UNC5A: variants seen among roughly 807,000 people sequenced by gnomAD.
UNC5A encodes the protein netrin receptor UNC5A.
In UNC5A, 20 loss-of-function variants were observed where a neutral mutation model predicts 87.4. The observed-to-expected ratio is 0.23, with a 90% CI of 0.16 to 0.33. UNC5A has a LOEUF of 0.33. UNC5A is among the 10% of genes least tolerant of loss of function. UNC5A has a pLI of 1.00. For missense variants in UNC5A, 844 were observed against 1,133.4 expected (o/e 0.74, Z 3.67); for synonymous variants, 438 against 482.3 (o/e 0.91, Z 1.20).
chr5:176,830,649 T>G (rs1308434083), intron 1 of UNC5A, among the ~76,000 whole-genome samples: 1 of 136,912 alleles, frequency 7.3e-6, no homozygotes, highest in African/African-American at 2.9e-5. Context: ...GGCGTGTGCA[T>G]TTGTGTGTGT....
Position 176,878,062 on chromosome 5 carries a change from G to T in UNC5A, c.1804G>T (p.Ala602Ser). 6.2e-7 allele frequency: 1 copy of T among 1,609,744 alleles called. No individual in the cohort carries two copies. Among genetic ancestry groups the T allele is most frequent in the Non-Finnish European group, 8.5e-7 (1 of 1,179,946 alleles). The change falls in exon 11 of 15, where the codon GCC becomes TCC. Residue 602 changes from alanine (A) to serine (S), a missense_variant. Physicochemically the swap from Ala to Ser is moderately conservative, Grantham distance 99. Transcript: ENST00000329542. ...CAAGCTGCTTCTGTTTGCGCCGGTG[G>T]CCTGCACCTCCCTCGAGTACAACAT... is the stretch of plus-strand genomic sequence containing the variant. ...RLKLLLFAPV[A>S]CTSLEYNIRV...
At chr5:176,876,310 G>A (rs567423948) in intron 8 of UNC5A, among the ~76,000 whole-genome samples, 13 of 152,348 alleles carry the variant, frequency 8.5e-5, no homozygotes, top group East Asian at 5.8e-4. Flanking sequence ...CCGGTGAAAC[G>A]GTGATACCAG....
chr5:176,818,168 G>A (rs1756641115), intron 1 of UNC5A, among the ~76,000 whole-genome samples: 1 of 152,222 alleles, frequency 6.6e-6, no homozygotes, highest in East Asian at 1.9e-4. Flanking sequence ...CTTCTCAGGC[G>A]ATCTTGTGCC....
intron 1 of UNC5A, among the ~76,000 whole-genome samples, chr5:176,821,383 C>A (rs1756724591): frequency 6.6e-6 from 1 of 152,210 alleles, no homozygotes; most frequent in Non-Finnish European, 1.5e-5. Flanking sequence ...TAGGATCACA[C>A]AACCAGAGGT....
In UNC5A at chr5:176,812,599, G is replaced by C. The variant is rs373976544; in HGVS notation, c.70+1779G>C. Among the ~76,000 whole-genome samples the C allele has an allele frequency of 2.6e-5, 4 of 152,308 alleles. No homozygotes were observed. In the South Asian group the frequency reaches 6.2e-4, roughly 24 times the overall value. On this transcript the variant is annotated intron_variant, in intron 1 of 14. Coordinates refer to ENST00000329542, the MANE Select transcript of UNC5A (RefSeq NM_133369.3). Reference sequence around the variant, plus strand: ...GAAGCAGGGTGCTGCGGCCTGGAGCGGGGGGTTGCCACAGGGACTCCTCAG... The same window carrying C: ...GAAGCAGGGTGCTGCGGCCTGGAGCCGGGGGTTGCCACAGGGACTCCTCAG...
At chr5:176,822,254 C>T (rs934071593) in intron 1 of UNC5A, among the ~76,000 whole-genome samples, 1 of 152,248 alleles carries the variant, frequency 6.6e-6, no homozygotes, top group African/African-American at 2.4e-5. Flanking sequence ...TTTTGGCCCC[C>T]CTCTGTGACA....
At chr5:176,855,974 G>C (rs954530715) in intron 1 of UNC5A, among the ~76,000 whole-genome samples, 1 of 152,160 alleles carries the variant, frequency 6.6e-6, no homozygotes, top group African/African-American at 2.4e-5. Flanking sequence ...TCTGCAGGGC[G>C]GACGGCGCCC....
intron 1 of UNC5A, among the ~76,000 whole-genome samples, chr5:176,816,263 G>C (rs934032396): frequency 6.6e-6 from 1 of 152,282 alleles, no homozygotes; most frequent in African/African-American, 2.4e-5. Context: ...GAGCCAGGTG[G>C]CTGCTGGGGC....
chr5:176,816,650 A>G (rs910959470), intron 1 of UNC5A, among the ~76,000 whole-genome samples: 1 of 152,272 alleles, frequency 6.6e-6, no homozygotes, highest in South Asian at 2.1e-4. Context: ...TCCTCCCTGC[A>G]TGGCTTCAGT....
rs1291037320 is a variant in UNC5A, at chr5:176,869,018, A to T, written c.721+54A>T. 5 of 1,531,564 alleles carry T rather than the reference A, an allele frequency of 3.3e-6. No homozygotes were observed. Among genetic ancestry groups the T allele is most frequent in the Non-Finnish European group, 4.4e-6 (5 of 1,137,688 alleles). The allele number at this position is 1,531,564 out of a possible 1,614,324, so 94.9% of individuals were successfully genotyped here. ...GAGAGGCACTGCGGTGCCCCTGGGC[A>T]GTGACATGTGGCTGGTGGGGTGAAG... On this transcript the variant is annotated intron_variant, in intron 5 of 14. Coordinates refer to ENST00000329542, the MANE Select transcript of UNC5A (RefSeq NM_133369.3). The surrounding 1 kb of genome is among the most constrained non-coding windows in gnomAD (Gnocchi z 9.1).
chr5:176,834,999 G>C (rs934451122), intron 1 of UNC5A, among the ~76,000 whole-genome samples: 2 of 152,228 alleles, frequency 1.3e-5, no homozygotes, highest in African/African-American at 4.8e-5. Flanking sequence ...TGTGCCAGGT[G>C]GCTGTGGGAG....
At chr5:176,852,021 T>C (rs1018197097) in intron 1 of UNC5A, among the ~76,000 whole-genome samples, 1 of 152,200 alleles carries the variant, frequency 6.6e-6, no homozygotes, top group African/African-American at 2.4e-5. Flanking sequence ...AGAAGGACCC[T>C]ACCCACCTGC....
At chr5:176,821,560 G>A (rs898367986) in intron 1 of UNC5A, among the ~76,000 whole-genome samples, 4 of 152,312 alleles carry the variant, frequency 2.6e-5, no homozygotes, top group Admixed American at 1.3e-4. Flanking sequence ...GTGTCCTGTC[G>A]AATGGTTAAC....
intron 1 of UNC5A, among the ~76,000 whole-genome samples, chr5:176,852,153 G>A (rs937090372): frequency 6.6e-6 from 1 of 152,164 alleles, no homozygotes; most frequent in Non-Finnish European, 1.5e-5. Context: ...GCCTTGCCAG[G>A]GCTCAGAGCC....
chr5:176,850,271 G>C (rs186562639), intron 1 of UNC5A, among the ~76,000 whole-genome samples: 8 of 152,336 alleles, frequency 5.3e-5, no homozygotes, highest in Non-Finnish European at 1.2e-4. Context: ...TGCAGGGTAT[G>C]GGTTGGTGAC....
intron 1 of UNC5A, among the ~76,000 whole-genome samples, chr5:176,834,802 A>G (rs1340527410): frequency 6.6e-6 from 1 of 151,214 alleles, no homozygotes; most frequent in Non-Finnish European, 1.5e-5. Flanking sequence ...CCCACCTCCC[A>G]GGGAGAAGCT....
At chr5:176,837,055 C>T (rs926846354) in intron 1 of UNC5A, among the ~76,000 whole-genome samples, 2 of 152,212 alleles carry the variant, frequency 1.3e-5, no homozygotes, top group African/African-American at 2.4e-5. Context: ...CCCTGTCTGA[C>T]GAGGGTGCCT....
At position 176,869,062 on chromosome 5, in the gene UNC5A, G is replaced by T; in HGVS notation, c.721+98G>T. 7 of 1,362,730 alleles carry T rather than the reference G, an allele frequency of 5.1e-6. No homozygotes were observed. The South Asian group carries it at 9.9e-5, about 19-fold the overall frequency. 84.4% of individuals were successfully genotyped at this position (1,362,730 alleles called of 1,614,324 possible). ...GGTGAAGAGAGGCCATGAGGCCAAAGCCAGGTGGACCAGATCGTGCCTGAC... is the reference window on the plus strand; with the variant it reads ...GGTGAAGAGAGGCCATGAGGCCAAATCCAGGTGGACCAGATCGTGCCTGAC... On this transcript the variant is annotated intron_variant, in intron 5 of 14. Transcript: ENST00000329542. This position sits in a 1 kb window ranked among gnomAD's most constrained non-coding sequence, Gnocchi z 9.1.
At chr5:176,847,019 A>G (rs1396904837) in intron 1 of UNC5A, among the ~76,000 whole-genome samples, 4 of 152,082 alleles carry the variant, frequency 2.6e-5, no homozygotes, top group Non-Finnish European at 4.4e-5. Flanking sequence ...CGTCAAGCCT[A>G]GGAGAGAGCA....
Sources: allele counts gnomAD v4.1 joint callset (sites outside exome capture counted in the v4.1 genomes callset), GRCh38; gene constraint gnomAD v4.1.1; non-coding constraint Gnocchi (gnomAD v3.1); transcripts MANE v1.5; gene names NCBI Gene and HGNC (gene_info 2026-07-23, HGNC 2026-07-21).